Variants in KLHL5 observed in about 807,000 individuals in gnomAD.
KLHL5 encodes kelch like family member 5, also known as kelch-like protein 5.
In KLHL5, 48 loss-of-function variants were observed where a neutral mutation model predicts 77.7. That is an observed-to-expected ratio of 0.62 (90% CI 0.49 to 0.79). KLHL5 has a LOEUF of 0.79. KLHL5 is among the 30% of genes least tolerant of loss of function. The pLI, the probability that KLHL5 is intolerant of heterozygous loss-of-function variation, is 0.00. For missense variants in KLHL5, 723 were observed against 859.7 expected (o/e 0.84, Z 1.99); for synonymous variants, 260 against 297.0 (o/e 0.88, Z 1.28).
upstream of KLHL5, among the ~76,000 whole-genome samples, chr4:39,060,771 G>A (rs989444107): frequency 1.1e-4 from 16 of 152,208 alleles, no homozygotes; most frequent in African/African-American, 3.9e-4. Context: ...GGTGAGAGGA[G>A]AGGGGAAAGT....
chr4:39,082,083 A>G lies in KLHL5; in HGVS notation c.824A>G (p.Asn275Ser), dbSNP rs1719668589. The stretch of plus-strand genomic sequence containing the variant: ...TTAATGAAACAGCTTCATCCATCCA[A>G]CTGTCTTGGAATTCGTTCTTTTGCT... ...KFLMKQLHPSNCLGIRSFADA... is the reference protein window; with the variant it reads ...KFLMKQLHPSSCLGIRSFADA... Residue 275 changes from asparagine to serine, a missense_variant, in exon 4 of 11, where the codon AAC becomes AGC. Physicochemically the swap from Asn to Ser is conservative, Grantham distance 46. Around this residue, in one of 3 missense-constraint regions of KLHL5, gnomAD observed 288 missense variants for 400.3 expected, o/e 0.72. Transcript: ENST00000504108. 1.2e-6 allele frequency: 2 copies of G among 1,613,990 alleles called. No individual in the cohort carries two copies. Among genetic ancestry groups the G allele is most frequent in the Middle Eastern group, 1.7e-4 (1 of 6,060 alleles).
chr4:39,134,180 A>C, the KLHL5 span: 1 of 152,230 alleles, frequency 6.6e-6, no homozygotes, highest in East Asian at 1.9e-4. Flanking sequence ...CCTCTGAGAA[A>C]GTTTTCTCTG....
intron 7 of KLHL5, among the ~76,000 whole-genome samples, chr4:39,106,028 C>T (rs758207049): frequency 7.2e-5 from 11 of 152,068 alleles, no homozygotes; most frequent in African/African-American, 1.9e-4. Context: ...TCATGGAGAC[C>T]GTTCTCCATC....
intron 9 of KLHL5, among the ~76,000 whole-genome samples, chr4:39,113,814 T>C (rs1021534069): frequency 1.1e-4 from 17 of 152,244 alleles, no homozygotes; most frequent in African/African-American, 2.2e-4. Context: ...AAGGCAGCCA[T>C]TGTGGCTGAA....
chr4:39,066,437 T>C (rs1717898448), intron 1 of KLHL5, among the ~76,000 whole-genome samples: 1 of 152,212 alleles, frequency 6.6e-6, no homozygotes, highest in Non-Finnish European at 1.5e-5. Context: ...TAGAGTTTAA[T>C]ATCAGGCTGT....
chr4:39,104,824 G>A (rs557656423), intron 7 of KLHL5, among the ~76,000 whole-genome samples: 1 of 151,506 alleles, frequency 6.6e-6, no homozygotes, highest in African/African-American at 2.4e-5. Context: ...GAAGTGCAGT[G>A]GCACAATCTC....
At chr4:39,140,875 T>G in the KLHL5 span, among the ~76,000 whole-genome samples, 2 of 152,190 alleles carry the variant, frequency 1.3e-5, no homozygotes, top group African/African-American at 4.8e-5. Flanking sequence ...CATTTGTTCC[T>G]TTTGGGGAAT....
intron 1 of KLHL5, among the ~76,000 whole-genome samples, chr4:39,070,923 C>T (rs1365517534): frequency 6.6e-6 from 1 of 152,232 alleles, no homozygotes; most frequent in East Asian, 1.9e-4. Context: ...TTTTTAAACA[C>T]TAGCCCATAC....
At chr4:39,115,449 C>T in intron 10 of KLHL5, 119 bp downstream of exon 10, 1 of 1,540,036 alleles carries the variant, frequency 6.5e-7, no homozygotes, top group Middle Eastern at 1.7e-4. Flanking sequence ...ATATGACAAT[C>T]ACGTTTTGAT....
At position 39,126,056 on chromosome 4, in the gene KLHL5, C is replaced by T. The variant is rs1305043418; in HGVS notation, c.*4990C>T. ...AGAAGGGAGTGAGAAACAACGAGAACCATGAGGGGAGAGTTAACGGGGAAC... is the reference window on the plus strand; with the variant it reads ...AGAAGGGAGTGAGAAACAACGAGAATCATGAGGGGAGAGTTAACGGGGAAC... On this transcript the variant is annotated 3_prime_UTR_variant, in exon 11 of 11. Coordinates refer to ENST00000504108, the MANE Select transcript of KLHL5 (RefSeq NM_015990.5). 6.6e-6 allele frequency among the ~76,000 whole-genome samples: 1 copy of T among 152,080 alleles called. No homozygotes were observed. Among genetic ancestry groups the T allele is most frequent in the African/African-American group, 2.4e-5 (1 of 41,416 alleles).
chr4:39,083,734 T>C (rs1719818953), intron 4 of KLHL5, among the ~76,000 whole-genome samples: 1 of 152,222 alleles, frequency 6.6e-6, no homozygotes, highest in Admixed American at 6.5e-5. Flanking sequence ...TAATCATCTT[T>C]TTTCTAGGAA....
In KLHL5 at chr4:39,062,797, G is replaced by A. The variant is rs754510958; in HGVS notation, c.145G>A (p.Gly49Ser). The change falls in exon 1 of 11, where the codon GGT (glycine) becomes AGT (serine). Residue 49 changes from glycine to serine, a missense_variant. By Grantham distance (56) the Gly-to-Ser change is moderately conservative (BLOSUM62 0). Transcript: ENST00000504108. ...GAACCGAGGACAGACTGGAGCAAAC[G>A]GTGGGAGAAAGTTTTTAGATCCATG... Reference protein sequence around the residue: ...FWNRGQTGANGGRKFLDPCSL... With the variant: ...FWNRGQTGANSGRKFLDPCSL... 13 of 1,613,944 alleles carry A rather than the reference G, an allele frequency of 8.1e-6. No individual in the cohort carries two copies. Among genetic ancestry groups the A allele is most frequent in the African/African-American group, 6.7e-5 (5 of 74,898 alleles).
chr4:39,091,082 G>A (rs189782015), intron 5 of KLHL5, among the ~76,000 whole-genome samples: 5 of 151,574 alleles, frequency 3.3e-5, no homozygotes, highest in East Asian at 1.9e-4. Context: ...CCCATCTCCC[G>A]GGTTCAAGCA....
chr4:39,080,486 A>AT (rs997062665), intron 2 of KLHL5, among the ~76,000 whole-genome samples: 4 of 152,084 alleles, frequency 2.6e-5, no homozygotes, highest in Non-Finnish European at 4.4e-5. Flanking sequence ...AGATCATAGC[A>AT]TGGCACGCCA....
At chr4:39,047,497 T>A (rs992044256) in intron 1 of KLHL5, among the ~76,000 whole-genome samples, 2 of 152,230 alleles carry the variant, frequency 1.3e-5, no homozygotes, top group Admixed American at 1.3e-4. Context: ...TTAATGAGAA[T>A]TGGAAAGCAA....
downstream of KLHL5, among the ~76,000 whole-genome samples, chr4:39,127,047 A>C (rs573144488): frequency 1.1e-3 from 166 of 152,116 alleles, 1 homozygote; most frequent in African/African-American, 3.3e-3. Context: ...TTATTACTCC[A>C]TTTTCACACT....
At chr4:39,108,186 G>A (rs191675525) in intron 8 of KLHL5, among the ~76,000 whole-genome samples, 1 of 151,954 alleles carries the variant, frequency 6.6e-6, no homozygotes, top group African/African-American at 2.4e-5. Context: ...TTGGAAAACT[G>A]GTGAAAACTA....
upstream of KLHL5, among the ~76,000 whole-genome samples, chr4:39,060,743 CAGA>C (rs1031231547): frequency 2.5e-4 from 38 of 152,212 alleles, no homozygotes; most frequent in Middle Eastern, 3.4e-3. Context: ...GGATGTTGAT[CAGA>C]AGGAGTCTGA....
At chr4:39,115,692 C>G in intron 10 of KLHL5, 1 of 1,236,840 alleles carries the variant, frequency 8.1e-7, no homozygotes, top group Non-Finnish European at 1.0e-6. Flanking sequence ...AACAACTTGC[C>G]CATGTGTGAG....
Sources: allele counts gnomAD v4.1 joint callset (sites outside exome capture counted in the v4.1 genomes callset), GRCh38; gene constraint gnomAD v4.1.1; regional missense constraint gnomAD v4.1.1; transcripts MANE v1.5; gene names NCBI Gene and HGNC (gene_info 2026-07-23, HGNC 2026-07-21).